ERICH1: variants seen among roughly 807,000 people sequenced by gnomAD.
ERICH1 encodes glutamate-rich protein 1.
A neutral mutation model predicts 39.6 loss-of-function variants in ERICH1; 56 were observed. The observed-to-expected ratio is 1.41, with a 90% CI of 1.14 to 1.77. The LOEUF (loss-of-function observed/expected upper bound fraction) is 1.77. Ranked by LOEUF, ERICH1 falls within the 40% of genes most tolerant of loss-of-function variation. The probability of loss-of-function intolerance (pLI) is 0.00; values close to 1 mark genes in which losing one functional copy is unlikely to be tolerated. For synonymous variants in ERICH1, 313 were observed against 223.6 expected, an observed-to-expected ratio of 1.40 and a Z score of -3.57; for missense variants, 826 against 575.4, an observed-to-expected ratio of 1.44 and a Z score of -4.45.
At chr8:715,812 A>C (rs759862872) in intron 2 of ERICH1, 49 bp downstream of exon 2, 1 of 1,574,180 alleles carries the variant, frequency 6.4e-7, no homozygotes, top group African/African-American at 1.4e-5. Flanking sequence ...ATGATGACGG[A>C]GGTTAACTTC....
chr8:716,765 A>G (rs112349678), intron 1 of ERICH1, among the ~76,000 whole-genome samples: 3,349 of 152,208 alleles, frequency 0.022, 137 homozygotes, highest in African/African-American at 0.076. Flanking sequence ...TGCCTTTAGG[A>G]ACAGGGAGGC....
intron 3 of ERICH1, among the ~76,000 whole-genome samples, chr8:642,827 G>T (rs185621158): frequency 1.3e-5 from 2 of 152,116 alleles, no homozygotes; most frequent in Non-Finnish European, 2.9e-5. Context: ...CTACAGGACT[G>T]GGGGCTGGAA....
rs1295561249 is a variant in ERICH1, at chr8:673,293, AT to A, written c.1058del (p.Tyr353LeufsTer40). 3.8e-6 allele frequency: 6 copies of A among 1,599,890 alleles called. No individual in the cohort carries two copies. The highest frequency in any genetic ancestry group is 3.4e-6 in the Non-Finnish European group (4 of 1,168,956). ...FLKSTQEMYF[Y>X]DGVSRDAASA... Reference sequence around the variant, plus strand: ...GAAAAACAGTAAAAAACATACCGTCATAAAAATACATTTCCTGTGTTGACTT... The same window carrying A: ...GAAAAACAGTAAAAAACATACCGTCAAAAAATACATTTCCTGTGTTGACTT... On this transcript the variant is annotated frameshift_variant, in exon 4 of 6. Transcript: ENST00000262109. LOFTEE classifies it high-confidence loss of function.
intron 3 of ERICH1, among the ~76,000 whole-genome samples, chr8:652,290 G>C (rs1800072360): frequency 1.3e-5 from 2 of 152,252 alleles, no homozygotes; most frequent in Admixed American, 1.3e-4. Context: ...TTCTACAAGA[G>C]CAAGACTGGG....
rs775295556 is a variant in ERICH1, at chr8:653,032, C to T, written c.976+15566G>A. 1.9e-3 allele frequency among the ~76,000 whole-genome samples: 284 copies of T among 152,278 alleles called. 2 individuals carry two copies. Among genetic ancestry groups the T allele is most frequent in the Non-Finnish European group, 2.0e-3 (136 of 68,026 alleles). On this transcript the variant is annotated intron_variant, in intron 3 of 3. Coordinates refer to the ERICH1 transcript ENST00000522706. ...AAAACGGTACAGCCATTGTGGAAGA[C>T]GGGGTAGAAATTCCTCAGAAAATGA...
chr8:696,859 C>G (rs1303757742), intron 2 of ERICH1, among the ~76,000 whole-genome samples: 2 of 141,814 alleles, frequency 1.4e-5, no homozygotes, highest in Non-Finnish European at 3.1e-5. Flanking sequence ...CTCTCCCTCT[C>G]CTTCCTCCCC....
intron 2 of ERICH1, among the ~76,000 whole-genome samples, chr8:700,109 G>T (rs1190745761): frequency 1.5e-5 from 2 of 130,524 alleles, no homozygotes; most frequent in African/African-American, 5.9e-5. Context: ...ACCCGCACAC[G>T]CGCACACACC....
At chr8:713,400 C>G (rs966121577) in intron 2 of ERICH1, among the ~76,000 whole-genome samples, 6 of 152,188 alleles carry the variant, frequency 3.9e-5, no homozygotes, top group Admixed American at 2.0e-4. Context: ...ACACTGGGAG[C>G]TTGTACCATT....
At chr8:718,555 T>C (rs556075835) in intron 1 of ERICH1, among the ~76,000 whole-genome samples, 5 of 152,226 alleles carry the variant, frequency 3.3e-5, no homozygotes, top group African/African-American at 1.2e-4. Flanking sequence ...AAAATGGAAG[T>C]AGAAGGCGGG....
intron 2 of ERICH1, among the ~76,000 whole-genome samples, chr8:714,063 G>A (rs1459306811): frequency 2.4e-5 from 1 of 42,274 alleles, no homozygotes; most frequent in Non-Finnish European, 4.6e-5. Context: ...CGCATCTCTC[G>A]GTGGGATGTG....
intron 2 of ERICH1, among the ~76,000 whole-genome samples, chr8:715,064 C>T (rs1297954955): frequency 2.0e-4 from 24 of 118,428 alleles, no homozygotes; most frequent in East Asian, 8.1e-4. Context: ...TGGGATGTGC[C>T]GCACCCAGGT....
chr8:703,156 G>A (rs757914108), intron 2 of ERICH1, among the ~76,000 whole-genome samples: 1 of 152,178 alleles, frequency 6.6e-6, no homozygotes, highest in Non-Finnish European at 1.5e-5. Flanking sequence ...AGGGAACTGT[G>A]GGAAATGCAG....
chr8:707,181 T>A (rs545142445), intron 2 of ERICH1, among the ~76,000 whole-genome samples: 1 of 150,206 alleles, frequency 6.7e-6, no homozygotes, highest in Admixed American at 6.6e-5. Flanking sequence ...AAACCCCACA[T>A]CTGTGGCCAA....
chr8:699,925 A>T (rs1811449900), intron 2 of ERICH1, among the ~76,000 whole-genome samples: 1 of 136,404 alleles, frequency 7.3e-6, no homozygotes, highest in Non-Finnish European at 1.6e-5. Flanking sequence ...ACAGGCCCGC[A>T]CAGGCGCACA....
intron 3 of ERICH1, among the ~76,000 whole-genome samples, chr8:679,742 G>A (rs1052425049): frequency 3.9e-5 from 6 of 152,252 alleles, no homozygotes; most frequent in African/African-American, 7.2e-5. Flanking sequence ...AACAGGTCCT[G>A]TGACATCACT....
intron 1 of ERICH1, among the ~76,000 whole-genome samples, chr8:719,352 T>A (rs1488536097): frequency 6.6e-6 from 1 of 152,208 alleles, no homozygotes; most frequent in East Asian, 1.9e-4. Flanking sequence ...CTTGGGGCAG[T>A]TATTTTTTGG....
At chr8:715,702 G>T (rs957717852) in intron 2 of ERICH1, among the ~76,000 whole-genome samples, 159 bp downstream of exon 2, 1 of 152,268 alleles carries the variant, frequency 6.6e-6, no homozygotes, top group African/African-American at 2.4e-5. Context: ...GGCAGAGCTT[G>T]TGTGGAGAGC....
intron 3 of ERICH1, among the ~76,000 whole-genome samples, chr8:621,834 T>A (rs1470119156): frequency 4.6e-5 from 7 of 152,152 alleles, no homozygotes. Flanking sequence ...GCCAACAAAG[T>A]TAAATACAAT....
chr8:715,804 G>T (rs998856989), intron 2 of ERICH1, 57 bp downstream of exon 2: 1 of 1,561,048 alleles, frequency 6.4e-7, no homozygotes, highest in African/African-American at 1.4e-5. Context: ...GGCAAGTGAT[G>T]ATGACGGAGG....
Sources: gnomAD v4.1 joint callset for allele counts (sites outside exome capture counted in the v4.1 genomes callset) on GRCh38, gnomAD v4.1.1 for gene constraint, MANE v1.5 for transcripts, NCBI Gene and HGNC (gene_info 2026-07-23, HGNC 2026-07-21) for gene names.